Variants in GRIK1 observed in about 807,000 individuals in gnomAD.
GRIK1 encodes glutamate receptor ionotropic, kainate 1.
Under a neutral mutation model 105.7 loss-of-function variants are expected in GRIK1, and 69 were observed. The ratio of observed to expected loss-of-function variants is 0.65; its 90% CI spans 0.54 to 0.80. GRIK1 has a LOEUF of 0.80. Ranked by LOEUF, GRIK1 falls within the 30% of genes least tolerant of loss-of-function variation. The pLI is 0.00. For synonymous variants in GRIK1, 438 were observed against 431.3 expected (o/e 1.02, Z -0.19); for missense variants, 1,109 against 1,167.3 (o/e 0.95, Z 0.73).
intron 1 of GRIK1, among the ~76,000 whole-genome samples, chr21:29,762,704 C>A (rs983449844): frequency 6.7e-6 from 1 of 150,274 alleles, no homozygotes; most frequent in Admixed American, 6.6e-5. Flanking sequence ...GAGGACAGGA[C>A]CACCCTGTAT....
At chr21:29,832,850 G>A (rs1255752352) in intron 1 of GRIK1, among the ~76,000 whole-genome samples, 1 of 152,136 alleles carries the variant, frequency 6.6e-6, no homozygotes, top group African/African-American at 2.4e-5. Context: ...CCCAGAAAAT[G>A]GGTTTTTCTT....
chr21:29,545,554 C>T (rs2090037373), intron 16 of GRIK1, among the ~76,000 whole-genome samples: 1 of 152,214 alleles, frequency 6.6e-6, no homozygotes, highest in Admixed American at 6.5e-5. Flanking sequence ...TCTTTGCATG[C>T]CCTTTCTCTA....
chr21:29,848,305 T>G (rs2068191576), intron 1 of GRIK1, among the ~76,000 whole-genome samples: 1 of 152,168 alleles, frequency 6.6e-6, no homozygotes, highest in African/African-American at 2.4e-5. Flanking sequence ...AGTATCACTG[T>G]CTGGCATTAA....
At chr21:29,931,670 T>A (rs1423363602) in intron 1 of GRIK1, among the ~76,000 whole-genome samples, 2 of 152,126 alleles carry the variant, frequency 1.3e-5, no homozygotes, top group African/African-American at 2.4e-5. Context: ...AGCACCAGAA[T>A]AATATATATT....
chr21:29,797,580 C>G (rs533315064), intron 1 of GRIK1, among the ~76,000 whole-genome samples: 1 of 152,104 alleles, frequency 6.6e-6, no homozygotes, highest in Non-Finnish European at 1.5e-5. Context: ...CACACAGCCT[C>G]GTAATTTATT....
chr21:29,564,446 C>T (rs555409374), intron 14 of GRIK1, among the ~76,000 whole-genome samples: 1 of 152,186 alleles, frequency 6.6e-6, no homozygotes, highest in Non-Finnish European at 1.5e-5. Flanking sequence ...CGCGCCCGGC[C>T]GCACCACATT....
At chr21:29,664,506 C>G (rs1242942927) in intron 4 of GRIK1, among the ~76,000 whole-genome samples, 1 of 151,994 alleles carries the variant, frequency 6.6e-6, no homozygotes, top group Non-Finnish European at 1.5e-5. Context: ...TAATGAATCA[C>G]CTGAACCTTC....
In GRIK1 at chr21:29,939,452, T is replaced by A; in HGVS notation, c.49A>T (p.Thr17Ser). 6.2e-7 allele frequency: 1 copy of A among 1,601,016 alleles called. No individual in the cohort carries two copies. Among genetic ancestry groups the A allele is most frequent in the South Asian group, 1.1e-5 (1 of 89,468 alleles). The change falls in exon 1 of 18, where the codon ACC becomes TCC. Residue 17 changes from threonine (T) to serine (S), a missense_variant. Physicochemically the swap from Thr to Ser is moderately conservative, Grantham distance 58. Transcript: ENST00000327783. The stretch of plus-strand genomic sequence containing the variant: ...AGGAAATAGAGGAGTGCCCAGCTGG[T>A]GTCCCTGGTCCAGAGCCCGGGCTGG... ...LAQPGLWTRD[T>S]SWALLYFLCY... is the part of the protein sequence containing the mutation.
chr21:29,806,711 C>A (rs557354435), intron 1 of GRIK1, among the ~76,000 whole-genome samples: 11 of 152,032 alleles, frequency 7.2e-5, no homozygotes, highest in Admixed American at 5.9e-4. Context: ...ACTTACCTTG[C>A]GCTGGGCACT....
Position 29,672,971 on chromosome 21 carries a change from T to C in GRIK1, c.726+12A>G, listed in dbSNP as rs780052076. On this transcript the variant is annotated intron_variant, in intron 4 of 17. Coordinates refer to ENST00000327783, the MANE Select transcript of GRIK1 (RefSeq NM_001330994.2). ...TTATCCCACACCTCCACCTCCTCCC[T>C]AGCCCTCTTACCTGCTTAAGGATTT... is the stretch of plus-strand genomic sequence containing the variant. 3.1e-6 allele frequency: 5 copies of C among 1,594,166 alleles called. No homozygotes were observed. The highest frequency in any genetic ancestry group is 4.3e-6 in the Non-Finnish European group (5 of 1,166,304).
At chr21:29,619,546 T>C (rs1035959794) in intron 7 of GRIK1, among the ~76,000 whole-genome samples, 1 of 152,016 alleles carries the variant, frequency 6.6e-6, no homozygotes, top group Admixed American at 6.6e-5. Context: ...ACTATTTGAG[T>C]GATGGGTGAC....
intron 6 of GRIK1, among the ~76,000 whole-genome samples, chr21:29,643,419 T>C (rs2062555267): frequency 6.6e-6 from 1 of 152,228 alleles, no homozygotes; most frequent in Admixed American, 6.5e-5. Context: ...ACTGCTACAA[T>C]CACTAACAGG....
At chr21:29,724,530 G>T (rs2064404824) in intron 1 of GRIK1, among the ~76,000 whole-genome samples, 1 of 152,198 alleles carries the variant, frequency 6.6e-6, no homozygotes, top group African/African-American at 2.4e-5. Flanking sequence ...CAAGAACTGG[G>T]AGTCTTAAAG....
chr21:29,842,243 A>T (rs996307545), intron 1 of GRIK1, among the ~76,000 whole-genome samples: 1 of 152,150 alleles, frequency 6.6e-6, no homozygotes, highest in South Asian at 2.1e-4. Flanking sequence ...GTTAGAAAAG[A>T]CAACCAGAAA....
chr21:29,740,251 C>G (rs1481917433), intron 1 of GRIK1, among the ~76,000 whole-genome samples: 1 of 151,446 alleles, frequency 6.6e-6, no homozygotes, highest in African/African-American at 2.4e-5. Flanking sequence ...CAGAGTCTCC[C>G]TCTGTCACCA....
chr21:29,885,301 G>A (rs2069571192), intron 1 of GRIK1, among the ~76,000 whole-genome samples: 1 of 152,000 alleles, frequency 6.6e-6, no homozygotes, highest in African/African-American at 2.4e-5. Context: ...TTGCTAGATG[G>A]TTTTTAACTA....
intron 1 of GRIK1, among the ~76,000 whole-genome samples, chr21:29,794,718 T>C (rs894992581): frequency 1.3e-5 from 2 of 152,182 alleles, no homozygotes; most frequent in Non-Finnish European, 2.9e-5. Flanking sequence ...TTTTGTGTTA[T>C]TGTACAGTTT....
At position 29,555,006 on chromosome 21, in the gene GRIK1, A is replaced by G. The variant is rs113672442; in HGVS notation, c.2607+46T>C. On this transcript the variant is annotated intron_variant, in intron 16 of 17. Transcript: ENST00000327783. ...TTAAAAACCCCCAAACTTAAGACAG[A>G]TAATGCAAACTATAAACTAACCAGT... The G allele has an allele frequency of 4.3e-5, 65 of 1,506,710 alleles. 1 individual carries two copies. Among genetic ancestry groups the G allele is most frequent in the African/African-American group, 4.0e-4 (29 of 71,986 alleles). 93.3% of individuals were successfully genotyped at this position (1,506,710 alleles called of 1,614,324 possible).
At chr21:29,686,960 G>A (rs946775892) in intron 3 of GRIK1, among the ~76,000 whole-genome samples, 27 of 152,162 alleles carry the variant, frequency 1.8e-4, no homozygotes, top group African/African-American at 6.5e-4. Flanking sequence ...GGTCACCTCT[G>A]GATGTGGGAA....
Sources: gnomAD v4.1 joint callset for allele counts (sites outside exome capture counted in the v4.1 genomes callset) on GRCh38, gnomAD v4.1.1 for gene constraint, MANE v1.5 for transcripts, NCBI Gene and HGNC (gene_info 2026-07-23, HGNC 2026-07-21) for gene names.